YY1AP1: variants seen among roughly 807,000 people sequenced by gnomAD.
YY1AP1 encodes YY1 associated protein 1.
YY1AP1 carries 43 observed loss-of-function variants against 39.9 expected under a neutral mutation model. The observed-to-expected ratio is 1.08, with a 90% CI of 0.84 to 1.39. The LOEUF (loss-of-function observed/expected upper bound fraction) is 1.39, where lower values mean the gene tolerates loss of function less well. Among genes scored for constraint, YY1AP1 ranks in the 40% most tolerant of loss-of-function variants. YY1AP1 has a pLI of 0.00. For missense variants in YY1AP1, 813 were observed against 900.7 expected, an observed-to-expected ratio of 0.90 and a Z score of 1.25; for synonymous variants, 292 against 331.3, an observed-to-expected ratio of 0.88 and a Z score of 1.29.
intron 9 of YY1AP1, among the ~76,000 whole-genome samples, chr1:155,665,784 C>CAAAAAAAAAAA: frequency 2.9e-5 from 1 of 35,056 alleles, no homozygotes; most frequent in Non-Finnish European, 7.0e-5. Flanking sequence ...CTCTGTGTCT[C>CAAAAAAAAAAA]AAAAAAAAAA....
chr1:155,674,933 A>G, intron 6 of YY1AP1, 77 bp downstream of exon 6: 1 of 1,316,830 alleles, frequency 7.6e-7, no homozygotes, highest in Admixed American at 1.8e-5. Flanking sequence ...AATACCTGAG[A>G]GAATAACTGT....
intron 2 of YY1AP1, 147 bp downstream of exon 2, chr1:155,687,924 C>T (rs1384570072): frequency 2.2e-6 from 2 of 922,384 alleles, no homozygotes; most frequent in Middle Eastern, 2.9e-4. Flanking sequence ...GCTCAGGATC[C>T]CCCTCCCTGC....
chr1:155,682,691 T>A (rs2149069929), intron 2 of YY1AP1, among the ~76,000 whole-genome samples: 1 of 152,262 alleles, frequency 6.6e-6, no homozygotes, highest in South Asian at 2.1e-4. Context: ...GAGGATTTAA[T>A]CCACTGACAT....
intron 4 of YY1AP1, among the ~76,000 whole-genome samples, chr1:155,677,676 T>C (rs189126329): frequency 6.6e-6 from 1 of 152,224 alleles, no homozygotes; most frequent in Non-Finnish European, 1.5e-5. Context: ...GTATTTACTG[T>C]AGGTTTGGGT....
At chr1:155,661,525 A>ACACC in intron 9 of YY1AP1, 102 bp from the exon 10 acceptor site, 1 of 1,533,712 alleles carries the variant, frequency 6.5e-7, no homozygotes, top group Non-Finnish European at 8.8e-7. Flanking sequence ...AAACACACAC[A>ACACC]CACACACACA....
chr1:155,662,055 T>C (rs768608991), intron 9 of YY1AP1, among the ~76,000 whole-genome samples: 3 of 152,136 alleles, frequency 2.0e-5, no homozygotes, highest in Non-Finnish European at 4.4e-5. Context: ...AGAGCAATCT[T>C]ATGTAAGATT....
intron 1 of YY1AP1, 93 bp from the exon 2 acceptor site, chr1:155,688,294 T>G (rs2666826): frequency 6.4e-7 from 1 of 1,573,052 alleles, no homozygotes; most frequent in Non-Finnish European, 8.6e-7. Flanking sequence ...CTGGGATCGT[T>G]TCCCCTCGCA....
chr1:155,688,342 G>C (rs887756422), intron 1 of YY1AP1, 141 bp from the exon 2 acceptor site: 7 of 1,549,472 alleles, frequency 4.5e-6, no homozygotes, highest in East Asian at 2.4e-5. Flanking sequence ...GGCGGCAGCA[G>C]AGTGGCCGCG....
intron 6 of YY1AP1, among the ~76,000 whole-genome samples, chr1:155,673,031 T>A (rs1230200946): frequency 1.3e-5 from 2 of 152,172 alleles, no homozygotes; most frequent in Non-Finnish European, 2.9e-5. Flanking sequence ...TTAATTAATT[T>A]ATTTTGAGAC....
At position 155,660,148 on chromosome 1, in the gene YY1AP1, T is replaced by C. The variant is rs1414638464; in HGVS notation, c.1762A>G (p.Ile588Val). ...NAAVAQSPQT[I>V]PIATLLVNPT... ...TTAACCAAGAGGGTGGCGATGGGAA[T>C]AGTCTGGGGACTCTGGGCCACAGCC... The change falls in exon 11 of 11, where the codon ATT becomes GTT. Residue 588 changes from isoleucine to valine, a missense_variant. By Grantham distance (29) the Ile-to-Val change is conservative. Coordinates refer to ENST00000355499, the MANE Select transcript of YY1AP1 (RefSeq NM_139119.3). 3 of 1,614,058 alleles carry C rather than the reference T, an allele frequency of 1.9e-6. No homozygotes were observed. The African/African-American group carries it at 4.0e-5, about 22-fold the overall frequency.
chr1:155,687,927 C>T (rs1652741937), intron 2 of YY1AP1, 144 bp downstream of exon 2: 3 of 957,682 alleles, frequency 3.1e-6, no homozygotes, highest in African/African-American at 3.3e-5. Context: ...CAGGATCCCC[C>T]TCCCTGCTCT....
At chr1:155,668,910 C>T in intron 8 of YY1AP1, 133 bp from the exon 9 acceptor site, 3 of 1,359,224 alleles carry the variant, frequency 2.2e-6, no homozygotes, top group African/African-American at 2.9e-5. Flanking sequence ...GTCACCTGGG[C>T]TGGAGTGCAG....
intron 3 of YY1AP1, among the ~76,000 whole-genome samples, chr1:155,680,166 A>G (rs1651310801): frequency 6.8e-6 from 1 of 147,030 alleles, no homozygotes; most frequent in Non-Finnish European, 1.5e-5. Context: ...TGGGTGACAG[A>G]GCAAGACTTT....
rs1161769121 is a variant in YY1AP1 at position 155,676,760 on chromosome 1, G to A, written c.126-14C>T. On this transcript the variant is annotated splice_polypyrimidine_tract_variant and intron_variant, in intron 4 of 10. Transcript: ENST00000355499. ...AGTTCCTCAAACCTATCCCAAACGG[G>A]GATGACTGAATTTGAGTGTTTTCCT... 6.2e-7 allele frequency: 1 copy of A among 1,613,372 alleles called. No individual in the cohort carries two copies. The highest frequency in any genetic ancestry group is 8.5e-7 in the Non-Finnish European group (1 of 1,179,690).
rs1482825761 is a variant in YY1AP1, at chr1:155,670,463, G to C, written c.585C>G (p.Ala195=). The C allele has an allele frequency of 1.9e-6, 3 of 1,613,800 alleles. No homozygotes were observed. The East Asian group carries it at 6.7e-5, about 36-fold the overall frequency. The change falls in exon 8 of 11, where the codon GCC becomes GCG. Residue 195 remains alanine (A), a splice_region_variant and synonymous_variant. Transcript: ENST00000355499. The part of the protein sequence containing the change: ...CSPHKTVKKT[A]NEFPCLPKQV... ...GCTTTGGCAAACAGGGAAATTCATT[G>C]GCTATAAGAAAATAAATCTCTGATA... is the stretch of plus-strand genomic sequence containing the variant.
At chr1:155,686,706 G>T (rs397834817) in intron 2 of YY1AP1, among the ~76,000 whole-genome samples, 1 of 152,156 alleles carries the variant, frequency 6.6e-6, no homozygotes, top group African/African-American at 2.4e-5. Context: ...TCTCCCTCAC[G>T]CATACAACCT....
chr1:155,673,684 C>T (rs893486580), intron 6 of YY1AP1, among the ~76,000 whole-genome samples: 4 of 152,086 alleles, frequency 2.6e-5, no homozygotes, highest in Admixed American at 2.6e-4. Context: ...GCTGGGACTA[C>T]AGGCACTCGG....
At chr1:155,688,782 G>A (rs1571391434), upstream of YY1AP1, 4 of 1,537,408 alleles carry the variant, frequency 2.6e-6, no homozygotes, top group South Asian at 3.6e-5. Flanking sequence ...TACACTCCTC[G>A]CGCGTGCGCC....
intron 7 of YY1AP1, 185 bp from the exon 8 acceptor site, chr1:155,670,649 T>C: frequency 1.8e-6 from 1 of 570,136 alleles, no homozygotes; most frequent in Non-Finnish European, 3.0e-6. Flanking sequence ...CTAAAGGGAG[T>C]CCCATTCACT....
Sources: gnomAD v4.1 joint callset for allele counts (sites outside exome capture counted in the v4.1 genomes callset) on GRCh38, gnomAD v4.1.1 for gene constraint, MANE v1.5 for transcripts, NCBI Gene and HGNC (gene_info 2026-07-23, HGNC 2026-07-21) for gene names.